KIF17: variants seen among roughly 807,000 people sequenced by gnomAD.
KIF17 encodes kinesin family member 17.
A neutral mutation model predicts 96.8 loss-of-function variants in KIF17; 80 were observed. That is an observed-to-expected ratio of 0.83 (90% CI 0.69 to 1.00). The LOEUF (loss-of-function observed/expected upper bound fraction) is 1.00, where lower values mean the gene tolerates loss of function less well. KIF17 is among the 50% of genes least tolerant of loss of function. KIF17 has a pLI of 0.00. For synonymous variants in KIF17, 567 were observed against 587.5 expected (o/e 0.97, Z 0.51); for missense variants, 1,280 against 1,372.9 (o/e 0.93, Z 1.07).
intron 3 of KIF17, among the ~76,000 whole-genome samples, chr1:20,710,637 G>A (rs1307072569): frequency 1.3e-5 from 2 of 152,146 alleles, no homozygotes; most frequent in Non-Finnish European, 2.9e-5. Flanking sequence ...GGTCCTGTGG[G>A]TCAGAGCCAC....
At chr1:20,682,370 A>G (rs2053844807) in intron 11 of KIF17, among the ~76,000 whole-genome samples, 1 of 152,176 alleles carries the variant, frequency 6.6e-6, no homozygotes. Context: ...AAAAAATTTA[A>G]TAAAGTAGCC....
chr1:20,664,905 C>A, intron 14 of KIF17, 143 bp from the exon 15 acceptor site: 1 of 790,220 alleles, frequency 1.3e-6, no homozygotes, highest in Admixed American at 2.1e-5. Flanking sequence ...GCAGCTGGGA[C>A]CCCAGGCTCT....
chr1:20,694,200 C>T (rs1027804309), intron 6 of KIF17, among the ~76,000 whole-genome samples: 6 of 151,918 alleles, frequency 3.9e-5, no homozygotes, highest in African/African-American at 9.7e-5. Flanking sequence ...CAGGTTCAAG[C>T]GATTCTCCTG....
At chr1:20,696,499 G>A (rs976432615) in intron 6 of KIF17, among the ~76,000 whole-genome samples, 6 of 152,156 alleles carry the variant, frequency 3.9e-5, no homozygotes, top group South Asian at 2.1e-4. Context: ...GCCGCCCCAC[G>A]AGAAGGAGGC....
rs771177313 is a variant in KIF17 at position 20,709,667 on chromosome 1, G to A, written c.642C>T (p.Phe214=). Residue 214 remains phenylalanine (F), a synonymous_variant, in exon 4 of 15, where the codon TTC becomes TTT. Coordinates refer to ENST00000400463, the MANE Select transcript of KIF17 (RefSeq NM_001122819.3). The surrounding 1 kb of genome is among the most constrained non-coding windows in gnomAD (Gnocchi z 4.7). ...NKDSSRSHSI[F]TISIEMSAVD... ...CGGCAGACATCTCGATGCTGATGGT[G>A]AAGATGGAGTGCGAGCGTGAGGAAT... 7.4e-6 allele frequency: 12 copies of A among 1,614,132 alleles called. No homozygotes were observed. Among genetic ancestry groups the A allele is most frequent in the Admixed American group, 5.0e-5 (3 of 60,020 alleles).
chr1:20,717,698 G>C lies in KIF17; in HGVS notation c.9C>G (p.Ser3=), dbSNP rs745924372. The change falls in exon 1 of 15, where the codon TCC becomes TCG. Residue 3 remains serine, a synonymous_variant. Coordinates refer to ENST00000400463, the MANE Select transcript of KIF17 (RefSeq NM_001122819.3). ...AGCGCACGACAACCTTCACCGCCTC[G>C]GAGGCCATGGCGCCGCGCCCAGGAC... MA[S]EAVKVVVRCR... is the part of the protein sequence containing the mutation. 4 of 1,588,780 alleles carry C rather than the reference G, an allele frequency of 2.5e-6. No homozygotes were observed. In the South Asian group the frequency reaches 4.5e-5, roughly 18 times the overall value.
At chr1:20,713,256 A>G (rs1193077434) in intron 3 of KIF17, among the ~76,000 whole-genome samples, 198 bp downstream of exon 3, 2 of 150,872 alleles carry the variant, frequency 1.3e-5, no homozygotes, top group Middle Eastern at 3.2e-3. Flanking sequence ...TTGGCCTCCC[A>G]AAGTGTTAGG....
chr1:20,664,950 A>T (rs968896980), intron 14 of KIF17, among the ~76,000 whole-genome samples, 188 bp from the exon 15 acceptor site: 1 of 152,034 alleles, frequency 6.6e-6, no homozygotes, highest in Non-Finnish European at 1.5e-5. Context: ...CAGACCCAGC[A>T]ACTATGTCTG....
intron 6 of KIF17, among the ~76,000 whole-genome samples, chr1:20,690,930 A>G (rs1377625594): frequency 5.9e-5 from 9 of 151,836 alleles, no homozygotes; most frequent in Non-Finnish European, 8.8e-5. Flanking sequence ...CTCGTGATCC[A>G]CCCGCCTTGG....
At chr1:20,716,368 C>A (rs1192096002) in intron 1 of KIF17, among the ~76,000 whole-genome samples, 1 of 152,182 alleles carries the variant, frequency 6.6e-6, no homozygotes, top group Admixed American at 6.5e-5. Context: ...CAGGTGATGG[C>A]CCAATGTCTG....
Position 20,711,825 on chromosome 1 carries a change from C to T in KIF17, c.480+1629G>A, listed in dbSNP as rs145565996. Reference sequence around the variant, plus strand: ...TGGAGCCCCCGGGTTCAAATCCCATCGCCACTCTTTACTGACTGTGTGTCC... The same window carrying T: ...TGGAGCCCCCGGGTTCAAATCCCATTGCCACTCTTTACTGACTGTGTGTCC... On this transcript the variant is annotated intron_variant, in intron 3 of 14. Transcript: ENST00000400463. Among the ~76,000 whole-genome samples, 24 of 152,210 alleles carry T rather than the reference C, an allele frequency of 1.6e-4. No homozygotes were observed. The East Asian group carries it at 4.6e-3, about 29-fold the overall frequency.
intron 5 of KIF17, among the ~76,000 whole-genome samples, chr1:20,703,690 G>A (rs1364726794): frequency 6.6e-6 from 1 of 152,062 alleles, no homozygotes; most frequent in Non-Finnish European, 1.5e-5. Context: ...GTGAATGGGT[G>A]TGTGTAGAAT....
chr1:20,690,352 G>GGC lies in KIF17; in HGVS notation c.1234-18_1234-17insGC. 3.8e-5 allele frequency: 17 copies of GGC among 451,144 alleles called. No individual in the cohort carries two copies. The highest frequency in any genetic ancestry group is 6.0e-5 in the Non-Finnish European group (14 of 235,124). The allele number at this position is 451,144 out of a possible 1,614,324, so 27.9% of individuals were successfully genotyped here. Reference sequence around the variant, plus strand: ...TTCATACTCCTGGGGGGGTGGGAGGGACCAGAGGGCAGGCAGCATTTTATC... The same window carrying GGC: ...TTCATACTCCTGGGGGGGTGGGAGGGGCACCAGAGGGCAGGCAGCATTTTATC... On this transcript the variant is annotated splice_polypyrimidine_tract_variant and intron_variant, in intron 6 of 14. Coordinates refer to ENST00000400463, the MANE Select transcript of KIF17 (RefSeq NM_001122819.3).
In KIF17 at chr1:20,666,311, G is replaced by A. The variant is rs747390481; in HGVS notation, c.2811C>T (p.Leu937=). The A allele has an allele frequency of 6.2e-7, 1 of 1,613,984 alleles. No individual in the cohort carries two copies. ...EPNMEDDRYR[L]MLSRSNSENI... ...TTTCACTGTTGCTCCGACTGAGCATGAGCCTGTAGCGGTCGTCCTCCTGCC... is the reference window on the plus strand; with the variant it reads ...TTTCACTGTTGCTCCGACTGAGCATAAGCCTGTAGCGGTCGTCCTCCTGCC... Residue 937 remains leucine, a synonymous_variant, in exon 14 of 15, where the codon CTC becomes CTT. Coordinates refer to ENST00000400463, the MANE Select transcript of KIF17 (RefSeq NM_001122819.3).
At position 20,682,806 on chromosome 1, in the gene KIF17, G is replaced by C. The variant is rs781018860; in HGVS notation, c.2310C>G (p.Arg770=). ...NKDLKEKHKR[R]KRYADERRKQ... Reference sequence around the variant, plus strand: ...TCCTGCGCTCGTCTGCGTAGCGCTTGCGCCGCTTGTGCTTCTCCTTCAGGT... The same window carrying C: ...TCCTGCGCTCGTCTGCGTAGCGCTTCCGCCGCTTGTGCTTCTCCTTCAGGT... Residue 770 remains arginine (R), a synonymous_variant, in exon 11 of 15, where the codon CGC becomes CGG. Coordinates refer to ENST00000400463, the MANE Select transcript of KIF17 (RefSeq NM_001122819.3). 6.2e-7 allele frequency: 1 copy of C among 1,612,726 alleles called. No homozygotes were observed. Among genetic ancestry groups the C allele is most frequent in the East Asian group, 2.2e-5 (1 of 44,882 alleles).
chr1:20,688,394 CA>C (rs2053979046), intron 7 of KIF17, among the ~76,000 whole-genome samples: 2 of 152,224 alleles, frequency 1.3e-5, no homozygotes, highest in South Asian at 4.1e-4. Context: ...CAGAGCCTCC[CA>C]GACCCTCCAG....
Position 20,704,818 on chromosome 1 carries a change from C to T in KIF17, c.752G>A (p.Gly251Glu). The change falls in exon 5 of 15, where the codon GGG becomes GAG. Residue 251 changes from glycine (G) to glutamate (E), a missense_variant. Gly to Glu is a moderately conservative substitution (Grantham distance 98, BLOSUM62 -2). Coordinates refer to ENST00000400463, the MANE Select transcript of KIF17 (RefSeq NM_001122819.3). This position sits in a 1 kb window ranked among gnomAD's most constrained non-coding sequence, Gnocchi z 6.8. ...CTCCTTGAGCCGCTCGCCCGTGGCC[C>T]CGGTCTTGGACTGCCGCTCGCTGCC... ...LAGSERQSKT[G>E]ATGERLKEAT... The T allele has an allele frequency of 6.2e-7, 1 of 1,607,462 alleles. No homozygotes were observed. The highest frequency in any genetic ancestry group is 1.3e-5 in the African/African-American group (1 of 75,050).
At position 20,687,077 on chromosome 1, in the gene KIF17, C is replaced by T. The variant is rs2154536070; in HGVS notation, c.1938+311G>A. ...GCCTGGACACTCACTGTAACCATGG[C>T]AACTGGGCAAACGCCCTGTACAGCT... On this transcript the variant is annotated intron_variant, in intron 8 of 14. Coordinates refer to ENST00000400463, the MANE Select transcript of KIF17 (RefSeq NM_001122819.3). The surrounding 1 kb of genome is among the most constrained non-coding windows in gnomAD (Gnocchi z 4.4). 6.6e-6 allele frequency among the ~76,000 whole-genome samples: 1 copy of T among 152,320 alleles called. No homozygotes were observed. The highest frequency in any genetic ancestry group is 1.5e-5 in the Non-Finnish European group (1 of 68,032).
Position 20,690,326 on chromosome 1 carries a change from C to A in KIF17, c.1243G>T (p.Glu415Ter), listed in dbSNP as rs1312763468. Residue 415 changes from glutamate to a stop codon, truncating the protein, a stop_gained, in exon 7 of 15, where the codon GAG becomes TAG. Coordinates refer to ENST00000400463, the MANE Select transcript of KIF17 (RefSeq NM_001122819.3). LOFTEE classifies it high-confidence loss of function. ...EKQLIREEYE[E>*]RLARLKADYK... is the part of the protein sequence containing the mutation. Reference sequence around the variant, plus strand: ...TCGGCTTTCAGCCGGGCCAGGCGCTCTTCATACTCCTGGGGGGGTGGGAGG... The same window carrying A: ...TCGGCTTTCAGCCGGGCCAGGCGCTATTCATACTCCTGGGGGGGTGGGAGG... 8 of 927,650 alleles carry A rather than the reference C, an allele frequency of 8.6e-6. No individual in the cohort carries two copies. The highest frequency in any genetic ancestry group is 1.2e-5 in the Non-Finnish European group (8 of 644,758). 57.5% of individuals were successfully genotyped at this position (927,650 alleles called of 1,614,324 possible).
Sources: gnomAD v4.1 joint callset for allele counts (sites outside exome capture counted in the v4.1 genomes callset) on GRCh38, gnomAD v4.1.1 for gene constraint, Gnocchi (gnomAD v3.1) non-coding constraint, MANE v1.5 for transcripts, NCBI Gene and HGNC (gene_info 2026-07-23, HGNC 2026-07-21) for gene names.